The following PRMT8 variants were observed in gnomAD, a reference collection of about 807,000 sequenced individuals.
The protein encoded by PRMT8 is protein arginine methyltransferase 8.
PRMT8 carries 7 observed loss-of-function variants against 47.1 expected under a neutral mutation model. The observed-to-expected ratio is 0.15, with a 90% CI of 0.08 to 0.28. The LOEUF is 0.28. Among genes scored for constraint, PRMT8 ranks in the 10% least tolerant of loss-of-function variants. The pLI, the probability that PRMT8 is intolerant of heterozygous loss-of-function variation, is 1.00. For synonymous variants in PRMT8, 188 were observed against 186.5 expected (o/e 1.01, Z -0.07); for missense variants, 237 against 505.4 (o/e 0.47, Z 5.09).
At chr12:3,407,388 T>A (rs762507187) in intron 1 of PRMT8, among the ~76,000 whole-genome samples, 4 of 152,136 alleles carry the variant, frequency 2.6e-5, no homozygotes, top group Non-Finnish European at 5.9e-5. Flanking sequence ...CTTTTAGCAC[T>A]GTGAATATAT....
chr12:3,403,963 T>C (rs1234425323), intron 1 of PRMT8, among the ~76,000 whole-genome samples: 1 of 151,674 alleles, frequency 6.6e-6, no homozygotes, highest in African/African-American at 2.4e-5. Flanking sequence ...TGAAAACATA[T>C]TTGTAATTTT....
chr12:3,588,873 A>G (rs1211724534), intron 8 of PRMT8, among the ~76,000 whole-genome samples: 1 of 152,228 alleles, frequency 6.6e-6, no homozygotes, highest in African/African-American at 2.4e-5. Context: ...CTGGATGGTC[A>G]TAGATGGGGT....
chr12:3,418,768 C>T (rs1376204883), intron 1 of PRMT8, among the ~76,000 whole-genome samples: 3 of 138,160 alleles, frequency 2.2e-5, no homozygotes, highest in Non-Finnish European at 3.1e-5. Flanking sequence ...GCAGTGTCTT[C>T]GGTGGCTTTT....
chr12:3,420,043 G>C (rs1460785360), intron 1 of PRMT8, among the ~76,000 whole-genome samples: 2 of 145,946 alleles, frequency 1.4e-5, no homozygotes, highest in East Asian at 2.0e-4. Flanking sequence ...GACAGAGAGA[G>C]AGAGAGAGAG....
chr12:3,420,283 C>G (rs953763865), intron 1 of PRMT8, among the ~76,000 whole-genome samples: 2 of 151,936 alleles, frequency 1.3e-5, no homozygotes, highest in Admixed American at 6.5e-5. Flanking sequence ...ACATTTCTTA[C>G]TGGCTGTGTG....
chr12:3,465,235 T>C (rs1383199472), intron 1 of PRMT8, among the ~76,000 whole-genome samples: 1 of 140,520 alleles, frequency 7.1e-6, no homozygotes, highest in Non-Finnish European at 1.5e-5. Flanking sequence ...ATAAAATATA[T>C]ATATTTTTAT....
At chr12:3,542,228 C>T (rs1298413944) in intron 2 of PRMT8, among the ~76,000 whole-genome samples, 1 of 152,170 alleles carries the variant, frequency 6.6e-6, no homozygotes, top group Non-Finnish European at 1.5e-5. Context: ...AACTGTTCAC[C>T]ATGTAAAACC....
intron 4 of PRMT8, among the ~76,000 whole-genome samples, chr12:3,559,028 GCTGT>G (rs1412809605): frequency 2.7e-5 from 4 of 149,704 alleles, no homozygotes; most frequent in Admixed American, 6.6e-5. Flanking sequence ...ATCTAATCTA[GCTGT>G]CTATCTGTCC....
chr12:3,424,890 G>A (rs1365032584), intron 1 of PRMT8, among the ~76,000 whole-genome samples: 4 of 152,186 alleles, frequency 2.6e-5, no homozygotes, highest in East Asian at 1.9e-4. Flanking sequence ...TGAGTCCCGC[G>A]ATGAGTTTCC....
At chr12:3,517,922 G>T (rs1339887025) in intron 1 of PRMT8, among the ~76,000 whole-genome samples, 1 of 152,080 alleles carries the variant, frequency 6.6e-6, no homozygotes, top group African/African-American at 2.4e-5. Flanking sequence ...CTCAGATAAG[G>T]ATTGAGTGTG....
At chr12:3,391,383 G>T (rs1236099190) in intron 1 of PRMT8, among the ~76,000 whole-genome samples, 3 of 152,294 alleles carry the variant, frequency 2.0e-5, no homozygotes, top group South Asian at 4.1e-4. Flanking sequence ...TTGACAAAAG[G>T]CTAGAAGGAA....
chr12:3,401,809 C>T (rs895666470), intron 1 of PRMT8, among the ~76,000 whole-genome samples: 2 of 152,212 alleles, frequency 1.3e-5, no homozygotes, highest in South Asian at 2.1e-4. Flanking sequence ...AACTACAAAC[C>T]GCTGCTCAAA....
chr12:3,491,847 T>C lies in PRMT8; in HGVS notation c.75+147T>C, dbSNP rs1411936558. On this transcript the variant is annotated intron_variant, in intron 1 of 9. Transcript: ENST00000382622. ...CGGCCTCCTCCTGTGTGTGTGTGTG[T>C]GTGTGTGTGTGTGTGTGTGTGTGTG... is the stretch of plus-strand genomic sequence containing the variant. 646 of 160,342 alleles carry C rather than the reference T, an allele frequency of 4.0e-3. 29 individuals are homozygous for C. The highest frequency in any genetic ancestry group is 0.026 in the South Asian group (84 of 3,244). 9.9% of individuals were successfully genotyped at this position (160,342 alleles called of 1,614,324 possible).
chr12:3,590,512 C>T (rs1466893003), intron 8 of PRMT8, among the ~76,000 whole-genome samples: 2 of 152,030 alleles, frequency 1.3e-5, no homozygotes, highest in African/African-American at 4.8e-5. Context: ...AGTGACTAGC[C>T]TTTGTTCTGC....
chr12:3,431,770 G>C (rs1055758740), intron 1 of PRMT8, among the ~76,000 whole-genome samples: 1 of 152,150 alleles, frequency 6.6e-6, no homozygotes, highest in Non-Finnish European at 1.5e-5. Flanking sequence ...AACTGAATAG[G>C]GGGTGAGCAA....
chr12:3,513,511 G>A (rs1362788806), intron 1 of PRMT8, among the ~76,000 whole-genome samples: 10 of 152,174 alleles, frequency 6.6e-5, no homozygotes, highest in Admixed American at 6.5e-4. Context: ...AGAGGCTGGG[G>A]CCCATGATTC....
At chr12:3,387,807 A>T (rs1290894052) in intron 1 of PRMT8, among the ~76,000 whole-genome samples, 1 of 152,074 alleles carries the variant, frequency 6.6e-6, no homozygotes. Context: ...TTTTTGTTTT[A>T]TTTCTCTCTA....
chr12:3,533,987 G>A (rs1866076163), intron 1 of PRMT8, among the ~76,000 whole-genome samples: 3 of 152,250 alleles, frequency 2.0e-5, no homozygotes, highest in African/African-American at 7.2e-5. Flanking sequence ...GTTGAAGAGA[G>A]GTGTGGTGAG....
rs957816762 is a variant in PRMT8 at position 3,436,398 on chromosome 12, G to T, written c.48+54956G>T. On this transcript the variant is annotated intron_variant, in intron 1 of 9. Transcript: ENST00000452611. The surrounding 1 kb of genome is among the most constrained non-coding windows in gnomAD (Gnocchi z 4.2). ...GCTCCTCATCTTTTCAGCACCAGCA[G>T]CCCCAGGTAAGCCAGGGGCTGAGCT... Among the ~76,000 whole-genome samples, 9 of 152,200 alleles carry T rather than the reference G, an allele frequency of 5.9e-5. No homozygotes were observed. Among genetic ancestry groups the T allele is most frequent in the African/African-American group, 1.9e-4 (8 of 41,440 alleles).
Sources: allele counts gnomAD v4.1 joint callset (sites outside exome capture counted in the v4.1 genomes callset), GRCh38; gene constraint gnomAD v4.1.1; non-coding constraint Gnocchi (gnomAD v3.1); transcripts MANE v1.5; gene names NCBI Gene and HGNC (gene_info 2026-07-23, HGNC 2026-07-21).